WNT7B: variants seen among roughly 807,000 people sequenced by gnomAD.
WNT7B encodes the protein protein Wnt-7b.
A neutral mutation model predicts 38.2 loss-of-function variants in WNT7B; 19 were observed. That is an observed-to-expected ratio of 0.50 (90% CI 0.35 to 0.73). The LOEUF (loss-of-function observed/expected upper bound fraction) is 0.73, where lower values mean the gene tolerates loss of function less well. WNT7B is among the 30% of genes least tolerant of loss of function. The pLI is 0.01. For synonymous variants in WNT7B, 243 were observed against 209.3 expected (o/e 1.16, Z -1.39); for missense variants, 423 against 507.9 (o/e 0.83, Z 1.61).
At position 45,941,948 on chromosome 22, in the gene WNT7B, G is replaced by T. The variant is rs114339642; in HGVS notation, c.298+7972C>A. ...ACTGCTGGGGCTGAGGTAGGGTAGG[G>T]ATGCAGGGTGGGGTGGGGTCCCTGA... On this transcript the variant is annotated intron_variant, in intron 2 of 3. Transcript: ENST00000339464. Among the ~76,000 whole-genome samples, 3 of 151,724 alleles carry T rather than the reference G, an allele frequency of 2.0e-5. No individual in the cohort carries two copies. The South Asian group carries it at 6.3e-4, about 32-fold the overall frequency.
At chr22:45,961,722 C>G (rs534581801) in intron 1 of WNT7B, among the ~76,000 whole-genome samples, 47 of 152,310 alleles carry the variant, frequency 3.1e-4, no homozygotes, top group African/African-American at 9.6e-4. Context: ...CCTGCCCCTC[C>G]CTGCCTCAGT....
intron 2 of WNT7B, among the ~76,000 whole-genome samples, chr22:45,942,900 C>A (rs142876385): frequency 0.012 from 1,827 of 148,972 alleles, 20 homozygotes; most frequent in Middle Eastern, 0.028. Flanking sequence ...CGTGTGTGTG[C>A]GCGCGTGTGT....
chr22:45,932,864 C>A (rs1276307848), intron 2 of WNT7B, among the ~76,000 whole-genome samples: 2 of 150,818 alleles, frequency 1.3e-5, no homozygotes, highest in African/African-American at 5.0e-5. Context: ...CCCTGCCCAG[C>A]ACCCGCGAGC....
At chr22:45,943,731 C>T (rs1014292497) in intron 2 of WNT7B, among the ~76,000 whole-genome samples, 3 of 152,202 alleles carry the variant, frequency 2.0e-5, no homozygotes, top group Admixed American at 2.0e-4. Context: ...GTCTCCCCAT[C>T]TGTGATGTGT....
rs993423800 is a variant in WNT7B at position 45,975,223 on chromosome 22, T to A, written c.71+1461A>T. ...AAGGCCTCAGCGCTGAGAATCAGGC[T>A]GCAGGGACAAAGCCTCATTAAGGGT... On this transcript the variant is annotated intron_variant, in intron 1 of 3. Coordinates refer to ENST00000339464, the MANE Select transcript of WNT7B (RefSeq NM_058238.3). This position sits in a 1 kb window ranked among gnomAD's most constrained non-coding sequence, Gnocchi z 6.6. Among the ~76,000 whole-genome samples the A allele has an allele frequency of 3.9e-5, 6 of 152,146 alleles. No homozygotes were observed. The highest frequency in any genetic ancestry group is 7.4e-5 in the Non-Finnish European group (5 of 68,016).
chr22:45,931,895 C>T (rs1439012050), intron 2 of WNT7B, among the ~76,000 whole-genome samples: 6 of 152,190 alleles, frequency 3.9e-5, no homozygotes, highest in East Asian at 1.9e-4. Context: ...TGGGGGGCCT[C>T]GTCCCCACCC....
chr22:45,927,236 C>G, intron 3 of WNT7B: 1 of 985,438 alleles, frequency 1.0e-6, no homozygotes, highest in Non-Finnish European at 1.2e-6. Context: ...TCTCCAAAAC[C>G]TCAGGGGCTG....
rs571528693 is a variant in WNT7B at position 45,959,016 on chromosome 22, G to A, written c.72-8870C>T. 2.4e-4 allele frequency among the ~76,000 whole-genome samples: 36 copies of A among 152,332 alleles called. 1 individual carries two copies. The South Asian group carries it at 3.7e-3, about 16-fold the overall frequency. The stretch of plus-strand genomic sequence containing the variant: ...TCCGAGCCCCCATAGCTGGGTCCAG[G>A]ATGGCAGAACCCTGTCTTACTCCCC... On this transcript the variant is annotated intron_variant, in intron 1 of 3. Coordinates refer to ENST00000339464, the MANE Select transcript of WNT7B (RefSeq NM_058238.3).
intron 1 of WNT7B, among the ~76,000 whole-genome samples, chr22:45,969,823 A>T (rs1289668795): frequency 6.6e-6 from 1 of 152,158 alleles, no homozygotes; most frequent in East Asian, 1.9e-4. Context: ...CTGGAGCAGA[A>T]TGAAGCCTCC....
At position 45,959,257 on chromosome 22, in the gene WNT7B, C is replaced by T. The variant is rs963529269; in HGVS notation, c.72-9111G>A. 5.3e-5 allele frequency among the ~76,000 whole-genome samples: 8 copies of T among 152,174 alleles called. No individual in the cohort carries two copies. The East Asian group carries it at 9.6e-4, about 18-fold the overall frequency. ...AGGCTGGACAGGGGGTGGGCAGCAG[C>T]GCGGCCGTGGGCTGTCCCCTTGTCA... On this transcript the variant is annotated intron_variant, in intron 1 of 3. Transcript: ENST00000339464.
intron 2 of WNT7B, among the ~76,000 whole-genome samples, chr22:45,931,921 G>A (rs1330783013): frequency 2.0e-5 from 3 of 152,156 alleles, no homozygotes; most frequent in Non-Finnish European, 2.9e-5. Flanking sequence ...CAGGAACCCA[G>A]GCAGAAGTCA....
Position 45,976,744 on chromosome 22 carries a change from T to C in WNT7B, c.11A>G (p.Asn4Ser). 1 of 1,608,796 alleles carries C rather than the reference T, an allele frequency of 6.2e-7. No individual in the cohort carries two copies. The highest frequency in any genetic ancestry group is 8.5e-7 in the Non-Finnish European group (1 of 1,177,184). ...CACGTAGAAAATCCACTTGCGAAAG[T>C]TTCTGTGCATGATCCAGGGAGGGGG... MHR[N>S]FRKWIFYVFL... The change falls in exon 1 of 4, where the codon AAC (asparagine) becomes AGC (serine). Residue 4 changes from asparagine (N) to serine (S), a missense_variant. Coordinates refer to ENST00000339464, the MANE Select transcript of WNT7B (RefSeq NM_058238.3). This position sits in a 1 kb window ranked among gnomAD's most constrained non-coding sequence, Gnocchi z 8.5.
chr22:45,925,341 AAGACTGGAG>A lies in WNT7B; in HGVS notation c.571-2015_571-2007del, dbSNP rs548185718. 9.7e-4 allele frequency: 954 copies of A among 985,334 alleles called. 8 individuals are homozygous for A. In the African/African-American group the frequency reaches 0.015, roughly 16 times the overall value. 61.0% of individuals were successfully genotyped at this position (985,334 alleles called of 1,614,324 possible). On this transcript the variant is annotated intron_variant, in intron 3 of 3. Coordinates refer to ENST00000339464, the MANE Select transcript of WNT7B (RefSeq NM_058238.3). Reference sequence around the variant, plus strand: ...TCTGCATCAGTGATGCCCTTGGACAAAGACTGGAGAGACTGGGGAGACTGGAGAGACTTG... The same window carrying A: ...TCTGCATCAGTGATGCCCTTGGACAAAGACTGGGGAGACTGGAGAGACTTG...
chr22:45,938,007 T>TA (rs796144544), intron 2 of WNT7B, among the ~76,000 whole-genome samples: 41 of 146,964 alleles, frequency 2.8e-4, no homozygotes, highest in South Asian at 4.3e-4. Flanking sequence ...AGACTCCGTC[T>TA]AAAAAAAAAA....
At chr22:45,927,736 CAA>C (rs1237616633) in intron 3 of WNT7B, among the ~76,000 whole-genome samples, 1 of 145,292 alleles carries the variant, frequency 6.9e-6, no homozygotes, top group East Asian at 1.9e-4. Flanking sequence ...TCTCTACTAA[CAA>C]TACAGAAATT....
chr22:45,976,847 A>C lies in WNT7B; in HGVS notation c.-93T>G. On this transcript the variant is annotated 5_prime_UTR_variant, in exon 1 of 4. Coordinates refer to ENST00000339464, the MANE Select transcript of WNT7B (RefSeq NM_058238.3). This position sits in a 1 kb window ranked among gnomAD's most constrained non-coding sequence, Gnocchi z 8.5. ...GGGCAGGGGCCAGGGGGCTGCGGGCAGACTGCGCTCAGCCCGCGCTGCGGC... is the reference window on the plus strand; with the variant it reads ...GGGCAGGGGCCAGGGGGCTGCGGGCCGACTGCGCTCAGCCCGCGCTGCGGC... 1.7e-6 allele frequency: 2 copies of C among 1,181,580 alleles called. No homozygotes were observed. The highest frequency in any genetic ancestry group is 2.3e-5 in the South Asian group (1 of 42,906). 73.2% of individuals were successfully genotyped at this position (1,181,580 alleles called of 1,614,324 possible). A position where few individuals can be genotyped will look rare whatever the true frequency, so the allele number is the denominator to read the frequency against.
Position 45,931,283 on chromosome 22 carries a change from T to C in WNT7B, c.385A>G (p.Ser129Gly). Residue 129 changes from serine (S) to glycine (G), a missense_variant, in exon 3 of 4, where the codon AGC becomes GGC. Physicochemically the swap from Ser to Gly is moderately conservative, Grantham distance 56. Coordinates refer to ENST00000339464, the MANE Select transcript of WNT7B (RefSeq NM_058238.3). ...VTAACSQGNL[S>G]NCGCDREKQG... is the part of the protein sequence containing the mutation. ...TTCTCGCGGTCGCAGCCGCAGTTGC[T>C]CAGGTTCCCTTGGCTGCAGGCAGCG... 6.3e-7 allele frequency: 1 copy of C among 1,598,484 alleles called. No individual in the cohort carries two copies. The highest frequency in any genetic ancestry group is 8.5e-7 in the Non-Finnish European group (1 of 1,179,626).
At chr22:45,963,697 G>C (rs1388740302) in intron 1 of WNT7B, among the ~76,000 whole-genome samples, 1 of 152,120 alleles carries the variant, frequency 6.6e-6, no homozygotes, top group African/African-American at 2.4e-5. Context: ...CCTGCCACAG[G>C]AATCTCCACC....
chr22:45,942,645 G>A (rs904547108), intron 2 of WNT7B, among the ~76,000 whole-genome samples: 6 of 152,198 alleles, frequency 3.9e-5, no homozygotes, highest in African/African-American at 1.4e-4. Context: ...CTCACACCCT[G>A]CACCTAATTC....
Sources: allele counts gnomAD v4.1 joint callset (sites outside exome capture counted in the v4.1 genomes callset), GRCh38; gene constraint gnomAD v4.1.1; non-coding constraint Gnocchi (gnomAD v3.1); transcripts MANE v1.5; gene names NCBI Gene and HGNC (gene_info 2026-07-23, HGNC 2026-07-21).